CTSK: variants seen among roughly 807,000 people sequenced by gnomAD.
CTSK encodes cathepsin O.
Under a neutral mutation model 40.5 loss-of-function variants are expected in CTSK, and 26 were observed. That is an observed-to-expected ratio of 0.64 (90% CI 0.47 to 0.89). The LOEUF (loss-of-function observed/expected upper bound fraction) is 0.89. CTSK is among the 40% of genes least tolerant of loss of function. CTSK has a pLI of 0.00. For synonymous variants in CTSK, 132 were observed against 143.2 expected (o/e 0.92, Z 0.56); for missense variants, 292 against 400.1 (o/e 0.73, Z 2.30).
At chr1:150,807,122 ACACG>A (rs1417090752) in intron 1 of CTSK, 3 of 442,276 alleles carry the variant, frequency 6.8e-6, no homozygotes, top group African/African-American at 2.1e-5. Context: ...ACACACACAC[ACACG>A]TACACAACCA....
At chr1:150,801,683 C>T (rs1177152718) in intron 5 of CTSK, among the ~76,000 whole-genome samples, 3 of 151,722 alleles carry the variant, frequency 2.0e-5, no homozygotes, top group Non-Finnish European at 4.4e-5. Context: ...GAACTACAGG[C>T]ACCTGCCACC....
chr1:150,798,784 G>A (rs758780345), intron 7 of CTSK, among the ~76,000 whole-genome samples: 11 of 152,028 alleles, frequency 7.2e-5, no homozygotes, highest in South Asian at 2.1e-4. Flanking sequence ...TTAAAGAGTC[G>A]GCACCTCCCT....
intron 5 of CTSK, among the ~76,000 whole-genome samples, chr1:150,803,637 G>A (rs587713239): frequency 4.7e-4 from 71 of 152,276 alleles, no homozygotes; most frequent in African/African-American, 1.7e-3. Flanking sequence ...ATAATTTGCT[G>A]AAATGTTCTG....
chr1:150,802,122 A>G (rs1654002501), intron 5 of CTSK, among the ~76,000 whole-genome samples: 1 of 151,370 alleles, frequency 6.6e-6, no homozygotes, highest in African/African-American at 2.4e-5. Flanking sequence ...TACTAAAAAT[A>G]CAAAAACTAG....
At chr1:150,807,890 CCTCA>C (rs1269626240) in intron 1 of CTSK, among the ~76,000 whole-genome samples, 2 of 152,202 alleles carry the variant, frequency 1.3e-5, no homozygotes, top group African/African-American at 4.8e-5. Flanking sequence ...CTCTCCTCCT[CCTCA>C]CTAAGGAGTT....
intron 1 of CTSK, among the ~76,000 whole-genome samples, chr1:150,807,074 TCTCTCTCACACACACACACA>T (rs1432257533): frequency 1.9e-5 from 1 of 51,484 alleles, no homozygotes; most frequent in Non-Finnish European, 4.6e-5. Flanking sequence ...TCTGTCTCTC[TCTCTCTCACACACACACACA>T]CACACACACA....
rs1354186018 is a variant in CTSK, at chr1:150,807,061, CTCTCTG to C, written c.-1-261_-1-256del. 2.2e-4 allele frequency among the ~76,000 whole-genome samples: 24 copies of C among 109,626 alleles called. No homozygotes were observed. In the East Asian group the frequency reaches 5.1e-3, roughly 23 times the overall value. The allele number at this position is 109,626 out of a possible 152,430, so 71.9% of individuals were successfully genotyped here. Reference sequence around the variant, plus strand: ...GGCAACACACACTCTCTCTGTTTCTCTCTCTGTCTCTCTCTCTCTCACACACACACA... The same window carrying C: ...GGCAACACACACTCTCTCTGTTTCTCTCTCTCTCTCTCTCACACACACACA... On this transcript the variant is annotated intron_variant, in intron 1 of 7. Transcript: ENST00000271651.
Position 150,804,114 on chromosome 1 carries a change from A to G in CTSK, c.525T>C (p.Asp175=), listed in dbSNP as rs775722101. 1.2e-6 allele frequency: 2 copies of G among 1,614,042 alleles called. No individual in the cohort carries two copies. The change falls in exon 5 of 8, where the codon GAT becomes GAC. Residue 175 remains aspartate (D), a synonymous_variant. Transcript: ENST00000271651. Reference sequence around the variant, plus strand: ...TGGTCATGTAGCCCCCTCCACAGCCATCATTCTCAGACACACAATCCACTA... The same window carrying G: ...TGGTCATGTAGCCCCCTCCACAGCCGTCATTCTCAGACACACAATCCACTA... ...QNLVDCVSEN[D]GCGGGYMTNA... is the part of the protein sequence containing the mutation.
In CTSK at chr1:150,800,209, T is replaced by A. The variant is rs1157631689; in HGVS notation, c.619-500A>T. Among the ~76,000 whole-genome samples the A allele has an allele frequency of 6.6e-3, 199 of 30,346 alleles. 2 individuals carry two copies. The highest frequency in any genetic ancestry group is 0.053 in the Middle Eastern group (2 of 38). 19.9% of individuals were successfully genotyped at this position (30,346 alleles called of 152,430 possible). A position where few individuals can be genotyped will look rare whatever the true frequency, so the allele number is the denominator to read the frequency against. ...GACTCCATCTCAAAAAAAAAAAAAA[T>A]CAACTACAGGTGTTTTAAGACATAA... On this transcript the variant is annotated intron_variant, in intron 5 of 7. Coordinates refer to ENST00000271651, the MANE Select transcript of CTSK (RefSeq NM_000396.4).
chr1:150,805,828 T>C, intron 4 of CTSK, 33 bp downstream of exon 4: 1 of 1,612,578 alleles, frequency 6.2e-7, no homozygotes, highest in East Asian at 2.2e-5. Context: ...TCATGCCAGA[T>C]TACATATGCA....
In CTSK at chr1:150,796,267, A is replaced by G. The variant is rs908546555; in HGVS notation, c.*532T>C. On this transcript the variant is annotated 3_prime_UTR_variant, in exon 8 of 8. Coordinates refer to ENST00000271651, the MANE Select transcript of CTSK (RefSeq NM_000396.4). ...GACAGGAGATAAATACTTTATTTCA[A>G]AAGTGCAAAGAAGGGAAGACAAATC... 1 of 176,656 alleles carries G rather than the reference A, an allele frequency of 5.7e-6. No individual in the cohort carries two copies. The highest frequency in any genetic ancestry group is 1.2e-5 in the Non-Finnish European group (1 of 81,864). The allele number at this position is 176,656 out of a possible 1,614,324, so 10.9% of individuals were successfully genotyped here.
At chr1:150,805,663 A>C (rs1027173086) in intron 4 of CTSK, among the ~76,000 whole-genome samples, 198 bp downstream of exon 4, 2 of 143,904 alleles carry the variant, frequency 1.4e-5, no homozygotes, top group Non-Finnish European at 3.0e-5. Context: ...AAAAAAAAAA[A>C]GGAAAAGAAA....
chr1:150,800,629 AT>A, intron 5 of CTSK: 1 of 216,254 alleles, frequency 4.6e-6, no homozygotes. Flanking sequence ...TCAGCAATTC[AT>A]TTTCCTACAG....
intron 6 of CTSK, 111 bp downstream of exon 6, chr1:150,799,433 C>T: frequency 2.2e-6 from 3 of 1,368,744 alleles, no homozygotes; most frequent in Non-Finnish European, 3.1e-6. Context: ...TCTCTCTGGC[C>T]ACCTCCATGT....
At position 150,796,615 on chromosome 1, in the gene CTSK, G is replaced by T; in HGVS notation, c.*184C>A. On this transcript the variant is annotated 3_prime_UTR_variant, in exon 8 of 8. Coordinates refer to ENST00000271651, the MANE Select transcript of CTSK (RefSeq NM_000396.4). ...TGATGGCCACAGTGAAAAAGGTCAT[G>T]GGTGGAGAGAAGCAAAGTAGGAAGG... The T allele has an allele frequency of 1.5e-6, 1 of 685,222 alleles. No homozygotes were observed. The highest frequency in any genetic ancestry group is 2.6e-5 in the East Asian group (1 of 38,242). The allele number at this position is 685,222 out of a possible 1,614,324, so 42.4% of individuals were successfully genotyped here.
intron 2 of CTSK, among the ~76,000 whole-genome samples, 175 bp from the exon 3 acceptor site, chr1:150,806,399 C>T (rs938781752): frequency 4.6e-5 from 7 of 152,126 alleles, no homozygotes; most frequent in Non-Finnish European, 8.8e-5. Flanking sequence ...ACAAATACAA[C>T]ACAAAGCTCT....
intron 1 of CTSK, 106 bp from the exon 2 acceptor site, chr1:150,806,912 CAAT>C: frequency 1.5e-6 from 2 of 1,363,546 alleles, no homozygotes; most frequent in Non-Finnish European, 1.0e-6. Context: ...GGTGATAAAA[CAAT>C]GATAGTCAGG....
At chr1:150,799,294 G>A (rs199526412) in intron 6 of CTSK, 21 bp from the exon 7 acceptor site, 209 of 1,549,746 alleles carry the variant, frequency 1.3e-4, no homozygotes, top group Admixed American at 3.7e-4. Flanking sequence ...AACTACCAGC[G>A]TGAGGCTCTA....
At position 150,804,103 on chromosome 1, in the gene CTSK, C is replaced by T; in HGVS notation, c.536G>A (p.Gly179Glu). Reference protein sequence around the residue: ...DCVSENDGCGGGYMTNAFQYV... With the variant: ...DCVSENDGCGEGYMTNAFQYV... Reference sequence around the variant, plus strand: ...TTGGAAGGCATTGGTCATGTAGCCCCCTCCACAGCCATCATTCTCAGACAC... The same window carrying T: ...TTGGAAGGCATTGGTCATGTAGCCCTCTCCACAGCCATCATTCTCAGACAC... Residue 179 changes from glycine (G) to glutamate (E), a missense_variant, in exon 5 of 8, where the codon GGG becomes GAG. By Grantham distance (98) the Gly-to-Glu change is moderately conservative. Coordinates refer to ENST00000271651, the MANE Select transcript of CTSK (RefSeq NM_000396.4). 6.2e-7 allele frequency: 1 copy of T among 1,614,146 alleles called. No homozygotes were observed. The highest frequency in any genetic ancestry group is 8.5e-7 in the Non-Finnish European group (1 of 1,180,032).
Sources: gnomAD v4.1 joint callset for allele counts (sites outside exome capture counted in the v4.1 genomes callset) on GRCh38, gnomAD v4.1.1 for gene constraint, MANE v1.5 for transcripts, NCBI Gene and HGNC (gene_info 2026-07-23, HGNC 2026-07-21) for gene names.